Variants in RCE1 observed in about 807,000 individuals in gnomAD.
The protein encoded by RCE1 is Ras converting CAAX endopeptidase 1.
In RCE1, 15 loss-of-function variants were observed where a neutral mutation model predicts 35.0. The observed-to-expected ratio is 0.43, with a 90% CI of 0.29 to 0.66. The LOEUF (loss-of-function observed/expected upper bound fraction) is 0.66. Ranked by LOEUF, RCE1 falls within the 30% of genes least tolerant of loss-of-function variation. The probability of loss-of-function intolerance (pLI) is 0.17; values close to 1 mark genes in which losing one functional copy is unlikely to be tolerated. For synonymous variants in RCE1, 261 were observed against 192.7 expected (o/e 1.35, Z -2.94); for missense variants, 434 against 433.0 (o/e 1.00, Z -0.02).
At chr11:66,845,719 G>A in intron 7 of RCE1, 141 bp from the exon 8 acceptor site, 2 of 1,464,768 alleles carry the variant, frequency 1.4e-6, no homozygotes, top group East Asian at 4.7e-5. Context: ...AGGTGGAAAG[G>A]AGCAGAGGCC....
At chr11:66,844,698 T>G in intron 4 of RCE1, 171 bp from the exon 5 acceptor site, 1 of 1,031,106 alleles carries the variant, frequency 9.7e-7, no homozygotes, top group Admixed American at 3.1e-5. Flanking sequence ...TCCATTCAGG[T>G]CATCTCAAGA....
chr11:66,844,115 T>C (rs1591100550), intron 3 of RCE1, 76 bp downstream of exon 3: 4 of 1,607,566 alleles, frequency 2.5e-6, no homozygotes, highest in Middle Eastern at 1.7e-4. Context: ...CTCTTGTTTT[T>C]GGTTTTTGGT....
In RCE1 at chr11:66,843,518, C is replaced by G. The variant is rs779814744; in HGVS notation, c.63C>G (p.Pro21=). 3.3e-6 allele frequency: 5 copies of G among 1,500,490 alleles called. No homozygotes were observed. The highest frequency in any genetic ancestry group is 2.7e-5 in the East Asian group (1 of 37,124). 92.9% of individuals were successfully genotyped at this position (1,500,490 alleles called of 1,614,324 possible). A position where few individuals can be genotyped will look rare whatever the true frequency, so the allele number is the denominator to read the frequency against. ...CGGTGTCGCGGCCGGAGCGGCCGCC[C>G]GAGTCGGCGGCGCTGGGCGGCCTGG... The part of the protein sequence containing the change: ...LLSVSRPERP[P]ESAALGGLGP... Residue 21 remains proline, a synonymous_variant, in exon 1 of 8, where the codon CCC becomes CCG. Transcript: ENST00000309657.
In RCE1 at chr11:66,846,277, C is replaced by T; in HGVS notation, c.*182C>T. On this transcript the variant is annotated 3_prime_UTR_variant, in exon 8 of 8. Coordinates refer to ENST00000309657, the MANE Select transcript of RCE1 (RefSeq NM_005133.3). ...AGAAGCAGATATCCAAAGGGTGCAG[C>T]CCCTTTTGAAAGGGGTGTTTACGAG... 1.3e-6 allele frequency: 1 copy of T among 777,352 alleles called. No individual in the cohort carries two copies. The highest frequency in any genetic ancestry group is 1.9e-6 in the Non-Finnish European group (1 of 513,472). The allele number at this position is 777,352 out of a possible 1,614,324, so 48.2% of individuals were successfully genotyped here.
chr11:66,843,477 G>GTTAA lies in RCE1; in HGVS notation c.22_23insTTAA (p.Gly8ValfsTer135), dbSNP rs1945132669. 3 of 1,447,166 alleles carry GTTAA rather than the reference G, an allele frequency of 2.1e-6. No individual in the cohort carries two copies. In the East Asian group the frequency reaches 8.6e-5, roughly 41 times the overall value. The allele number at this position is 1,447,166 out of a possible 1,614,324, so 89.6% of individuals were successfully genotyped here. ...CGCAATGGCGGCGCTGGGCGGGGAT[G>GTTAA]GGCTGCGACTGCTGTCGGTGTCGCG... On this transcript the variant is annotated frameshift_variant, in exon 1 of 8. Coordinates refer to ENST00000309657, the MANE Select transcript of RCE1 (RefSeq NM_005133.3). LOFTEE classifies it high-confidence loss of function.
In RCE1 at chr11:66,844,025, C is replaced by G; in HGVS notation, c.358C>G (p.Leu120Val). The change falls in exon 3 of 8, where the codon CTG (leucine) becomes GTG (valine). Residue 120 changes from leucine (L) to valine (V), a missense_variant. Leu to Val is a conservative substitution (Grantham distance 32). Transcript: ENST00000309657. ...CATTTTCCCAGCGGCGCTGCTGCCCCTGTTGCTGACCATGGTGAGTGCTCC... is the reference window on the plus strand; with the variant it reads ...CATTTTCCCAGCGGCGCTGCTGCCCGTGTTGCTGACCATGGTGAGTGCTCC... ...EGIFPAALLP[L>V]LLTMILFLGP... The G allele has an allele frequency of 6.2e-7, 1 of 1,614,132 alleles. No individual in the cohort carries two copies. Among genetic ancestry groups the G allele is most frequent in the Non-Finnish European group, 8.5e-7 (1 of 1,180,032 alleles).
rs555990571 is a variant in RCE1 at position 66,843,748 on chromosome 11, C to T, written c.186-11C>T. The T allele has an allele frequency of 3.0e-5, 48 of 1,612,900 alleles. No homozygotes were observed. The highest frequency in any genetic ancestry group is 2.3e-4 in the South Asian group (21 of 90,996). The stretch of plus-strand genomic sequence containing the variant: ...GCCGCGGGCCCCCTGAACTTACTGT[C>T]CCCTCCGTAGGGACCATCCCGCGGT... On this transcript the variant is annotated splice_polypyrimidine_tract_variant and intron_variant, in intron 1 of 7. Coordinates refer to ENST00000309657, the MANE Select transcript of RCE1 (RefSeq NM_005133.3).
intron 4 of RCE1, 122 bp downstream of exon 4, chr11:66,844,486 TCATCAGTAAA>T: frequency 7.4e-7 from 1 of 1,349,740 alleles, no homozygotes; most frequent in Non-Finnish European, 1.0e-6. Flanking sequence ...GTGTGTTTTC[TCATCAGTAAA>T]ATGGAAACAT....
rs1343198341 is a variant in RCE1, at chr11:66,845,896, G to C, written c.791G>C (p.Cys264Ser). ...GGGCCGGTTCTCTGCCATTCCTTCT[G>C]CAATTACATGGGTTTCCCAGCTGTT... ...LIGPVLCHSF[C>S]NYMGFPAVCA... The change falls in exon 8 of 8, where the codon TGC (cysteine) becomes TCC (serine). Residue 264 changes from cysteine to serine, a missense_variant. Coordinates refer to ENST00000309657, the MANE Select transcript of RCE1 (RefSeq NM_005133.3). 1.1e-5 allele frequency: 18 copies of C among 1,613,626 alleles called. No homozygotes were observed. The highest frequency in any genetic ancestry group is 1.5e-5 in the Non-Finnish European group (18 of 1,180,046).
Position 66,846,153 on chromosome 11 carries a change from G to T in RCE1, c.*58G>T. On this transcript the variant is annotated 3_prime_UTR_variant, in exon 8 of 8. Transcript: ENST00000309657. The stretch of plus-strand genomic sequence containing the variant: ...CGGCTCCCCAGCCCTCCCCACCAAG[G>T]GGTACTGCAGGGGAAGGGCTGGCTG... 6.6e-7 allele frequency: 1 copy of T among 1,508,440 alleles called. No homozygotes were observed. 93.4% of individuals were successfully genotyped at this position (1,508,440 alleles called of 1,614,324 possible). A position where few individuals can be genotyped will look rare whatever the true frequency, so the allele number is the denominator to read the frequency against.
intron 4 of RCE1, 85 bp from the exon 5 acceptor site, chr11:66,844,784 T>C (rs1945171552): frequency 1.0e-5 from 15 of 1,455,720 alleles, no homozygotes; most frequent in Non-Finnish European, 1.4e-5. Flanking sequence ...CAGGGTAAAG[T>C]TGTGGGAGAG....
intron 4 of RCE1, 167 bp from the exon 5 acceptor site, chr11:66,844,702 C>G: frequency 3.7e-6 from 4 of 1,070,788 alleles, no homozygotes; most frequent in African/African-American, 1.6e-5. Context: ...TTCAGGTCAT[C>G]TCAAGACATT....
chr11:66,843,682 G>A (rs371454352), intron 1 of RCE1, 42 bp downstream of exon 1: 4 of 1,601,442 alleles, frequency 2.5e-6, no homozygotes, highest in South Asian at 2.2e-5. Context: ...CCCTGCGGGC[G>A]GAGCTTGGGC....
rs1945206493 is a variant in RCE1, at chr11:66,846,159, T to C, written c.*64T>C. ...CCCAGCCCTCCCCACCAAGGGGTACTGCAGGGGAAGGGCTGGCTGGGGTCC... is the reference window on the plus strand; with the variant it reads ...CCCAGCCCTCCCCACCAAGGGGTACCGCAGGGGAAGGGCTGGCTGGGGTCC... On this transcript the variant is annotated 3_prime_UTR_variant, in exon 8 of 8. Transcript: ENST00000309657. The C allele has an allele frequency of 6.0e-6, 9 of 1,504,840 alleles. No homozygotes were observed. The highest frequency in any genetic ancestry group is 2.2e-5 in the Admixed American group (1 of 45,688). The allele number at this position is 1,504,840 out of a possible 1,614,324, so 93.2% of individuals were successfully genotyped here. A position where few individuals can be genotyped will look rare whatever the true frequency, so the allele number is the denominator to read the frequency against.
chr11:66,843,692 C>T (rs747639436), intron 1 of RCE1, 52 bp downstream of exon 1: 6 of 1,602,522 alleles, frequency 3.7e-6, no homozygotes, highest in South Asian at 1.1e-5. Context: ...GGAGCTTGGG[C>T]GAGCCGGGGG....
At position 66,843,599 on chromosome 11, in the gene RCE1, C is replaced by G. The variant is rs1308898164; in HGVS notation, c.144C>G (p.Ser48=). Residue 48 remains serine, a synonymous_variant, in exon 1 of 8, where the codon TCC becomes TCG. Transcript: ENST00000309657. The part of the protein sequence containing the change: ...SVFSCLSLAC[S]YVGSLYVWKS... ...TCTCCTGCCTCAGCCTCGCCTGCTC[C>G]TACGTGGGCAGCCTCTACGTCTGGA... 6.3e-7 allele frequency: 1 copy of G among 1,593,932 alleles called. No homozygotes were observed. The highest frequency in any genetic ancestry group is 1.7e-5 in the Admixed American group (1 of 58,898).
intron 4 of RCE1, 25 bp from the exon 5 acceptor site, chr11:66,844,844 A>C (rs1591101454): frequency 6.6e-7 from 1 of 1,513,322 alleles, no homozygotes; most frequent in Non-Finnish European, 8.8e-7. Flanking sequence ...CGTCACTCAC[A>C]GCTTGTCCTG....
In RCE1 at chr11:66,846,231, G is replaced by C. The variant is rs1945207241; in HGVS notation, c.*136G>C. 1 of 1,119,504 alleles carries C rather than the reference G, an allele frequency of 8.9e-7. No individual in the cohort carries two copies. 69.3% of individuals were successfully genotyped at this position (1,119,504 alleles called of 1,614,324 possible). On this transcript the variant is annotated 3_prime_UTR_variant, in exon 8 of 8. Transcript: ENST00000309657. ...TAGGGGATTGAAGCCAGAGCTAGTT[G>C]CGTCCCAGGGACCAAGAGAAAGAAG... is the stretch of plus-strand genomic sequence containing the variant.
chr11:66,845,058 C>T (rs1006049383), intron 5 of RCE1, 22 bp downstream of exon 5: 2 of 1,605,460 alleles, frequency 1.2e-6, no homozygotes, highest in Admixed American at 1.7e-5. Context: ...CAGATTAGTC[C>T]TGGTGTGTTT....
Sources: allele counts gnomAD v4.1 joint callset, GRCh38; gene constraint gnomAD v4.1.1; transcripts MANE v1.5; gene names NCBI Gene and HGNC (gene_info 2026-07-23, HGNC 2026-07-21).